CNTNAP2: variants seen among roughly 807,000 people sequenced by gnomAD.
CNTNAP2 encodes contactin associated protein 2, also known as contactin-associated protein-like 2.
A neutral mutation model predicts 155.2 loss-of-function variants in CNTNAP2; 98 were observed. The observed-to-expected ratio is 0.63, with a 90% CI of 0.54 to 0.75. CNTNAP2 has a LOEUF of 0.75. CNTNAP2 is among the 30% of genes least tolerant of loss of function. The probability of loss-of-function intolerance (pLI) is 0.00; values close to 1 mark genes in which losing one functional copy is unlikely to be tolerated. For missense variants in CNTNAP2, 1,727 were observed against 1,688.1 expected, an observed-to-expected ratio of 1.02 and a Z score of -0.40; for synonymous variants, 651 against 631.2, an observed-to-expected ratio of 1.03 and a Z score of -0.47.
At chr7:146,719,238 G>A (rs1801243395) in intron 1 of CNTNAP2, among the ~76,000 whole-genome samples, 2 of 152,086 alleles carry the variant, frequency 1.3e-5, no homozygotes, top group Non-Finnish European at 1.5e-5. Context: ...CAGCCCAACA[G>A]TCAGCTTTGC....
In CNTNAP2 at chr7:147,523,432, C is replaced by T. The variant is rs182586285; in HGVS notation, c.1777+37391C>T. Among the ~76,000 whole-genome samples the T allele has an allele frequency of 2.0e-5, 3 of 152,276 alleles. No homozygotes were observed. The East Asian group carries it at 5.8e-4, about 29-fold the overall frequency. ...ATTCTTTGGAAGCAAGTCACTAGGT[C>T]CAGCGAGTCTCAGAGGGAGGGGATT... On this transcript the variant is annotated intron_variant, in intron 11 of 23. Transcript: ENST00000361727.
chr7:146,391,371 C>T (rs559202988), intron 1 of CNTNAP2, among the ~76,000 whole-genome samples: 5 of 152,024 alleles, frequency 3.3e-5, no homozygotes, highest in Admixed American at 1.3e-4. Flanking sequence ...ACCCAACCAT[C>T]TGCTTTTTAT....
At chr7:147,109,593 G>C (rs1049557322) in intron 5 of CNTNAP2, among the ~76,000 whole-genome samples, 1 of 152,050 alleles carries the variant, frequency 6.6e-6, no homozygotes, top group Non-Finnish European at 1.5e-5. Context: ...CAGAAATCAA[G>C]GAAACAAAAG....
chr7:147,849,028 G>C (rs1258790499), intron 13 of CNTNAP2, among the ~76,000 whole-genome samples: 2 of 151,978 alleles, frequency 1.3e-5, no homozygotes, highest in African/African-American at 4.8e-5. Context: ...TATTAAATCA[G>C]AATGAAAATT....
chr7:148,390,638 C>G (rs1799325182), intron 22 of CNTNAP2, among the ~76,000 whole-genome samples: 1 of 152,162 alleles, frequency 6.6e-6, no homozygotes, highest in South Asian at 2.1e-4. Flanking sequence ...GAATTGAAGA[C>G]ATCTACCCAT....
chr7:147,320,915 C>T (rs1024063454), intron 9 of CNTNAP2, among the ~76,000 whole-genome samples: 2 of 152,172 alleles, frequency 1.3e-5, no homozygotes, highest in Non-Finnish European at 2.9e-5. Flanking sequence ...TTAAGGACTG[C>T]TGAAGTCATT....
At chr7:147,169,502 G>T (rs912582017) in intron 8 of CNTNAP2, among the ~76,000 whole-genome samples, 1 of 152,022 alleles carries the variant, frequency 6.6e-6, no homozygotes, top group Non-Finnish European at 1.5e-5. Context: ...CCAATGTTTA[G>T]CTCTTACTTA....
At chr7:146,262,292 C>G (rs1452939365) in intron 1 of CNTNAP2, among the ~76,000 whole-genome samples, 2 of 152,160 alleles carry the variant, frequency 1.3e-5, no homozygotes, top group African/African-American at 4.8e-5. Context: ...AGCTGACCCC[C>G]TTGGTAACCA....
intron 1 of CNTNAP2, among the ~76,000 whole-genome samples, chr7:146,495,919 A>G (rs1357825534): frequency 1.3e-5 from 2 of 152,176 alleles, no homozygotes. Context: ...AAAAAAGAGG[A>G]AAATGAGCAG....
intron 18 of CNTNAP2, among the ~76,000 whole-genome samples, chr7:148,184,595 T>C (rs1202676079): frequency 1.3e-5 from 2 of 152,234 alleles, no homozygotes; most frequent in Non-Finnish European, 2.9e-5. Context: ...CAAAATGTCC[T>C]TTCACATCTT....
intron 1 of CNTNAP2, among the ~76,000 whole-genome samples, chr7:146,710,297 A>C (rs1801040784): frequency 6.6e-6 from 1 of 152,232 alleles, no homozygotes; most frequent in African/African-American, 2.4e-5. Flanking sequence ...AGGGAACTGT[A>C]GTGTTGCTGC....
At chr7:147,710,303 T>G (rs1484982217) in intron 13 of CNTNAP2, among the ~76,000 whole-genome samples, 1 of 152,184 alleles carries the variant, frequency 6.6e-6, no homozygotes, top group Admixed American at 6.5e-5. Context: ...TTTAAGCTTC[T>G]TAGCTTAGCA....
intron 1 of CNTNAP2, among the ~76,000 whole-genome samples, chr7:146,596,728 C>T (rs928654247): frequency 1.3e-5 from 2 of 151,592 alleles, no homozygotes; most frequent in African/African-American, 2.4e-5. Flanking sequence ...GGCCAGACAG[C>T]ATGGATTCGA....
At chr7:146,197,038 G>T (rs1023543427) in intron 1 of CNTNAP2, among the ~76,000 whole-genome samples, 10 of 151,926 alleles carry the variant, frequency 6.6e-5, no homozygotes, top group African/African-American at 1.9e-4. Flanking sequence ...TTTGAAGATG[G>T]TCTCTATTCA....
At chr7:148,329,765 A>T (rs907431107) in intron 21 of CNTNAP2, among the ~76,000 whole-genome samples, 40 of 152,278 alleles carry the variant, frequency 2.6e-4, no homozygotes, top group African/African-American at 9.1e-4. Flanking sequence ...GATTTTAATG[A>T]CAGGGACGTT....
At chr7:147,445,956 TAA>T (rs1272778231) in intron 10 of CNTNAP2, among the ~76,000 whole-genome samples, 1 of 151,968 alleles carries the variant, frequency 6.6e-6, no homozygotes, top group Non-Finnish European at 1.5e-5. Context: ...GGAGAAAATT[TAA>T]AGAGTGATCA....
chr7:146,986,809 C>T (rs777920043), intron 3 of CNTNAP2, among the ~76,000 whole-genome samples: 1 of 151,890 alleles, frequency 6.6e-6, no homozygotes, highest in Non-Finnish European at 1.5e-5. Context: ...CATTTATACG[C>T]CTTTGAGAAT....
chr7:147,594,125 CTTTTTT>C (rs397827040), intron 12 of CNTNAP2, among the ~76,000 whole-genome samples: 1 of 120,072 alleles, frequency 8.3e-6, no homozygotes, highest in East Asian at 2.5e-4. Context: ...TCTGGTGTCT[CTTTTTT>C]TTTTTTTTTT....
rs563650913 is a variant in CNTNAP2 at position 148,030,967 on chromosome 7, C to T, written c.2383+52978C>T. Reference sequence around the variant, plus strand: ...AATGGCAGAGAGACTTTCTTTGAAACGATTGTAATATGGATTAAGACTATT... The same window carrying T: ...AATGGCAGAGAGACTTTCTTTGAAATGATTGTAATATGGATTAAGACTATT... On this transcript the variant is annotated intron_variant, in intron 15 of 23. Transcript: ENST00000361727. 1.6e-4 allele frequency among the ~76,000 whole-genome samples: 25 copies of T among 152,160 alleles called. No homozygotes were observed. The East Asian group carries it at 3.5e-3, about 21-fold the overall frequency.
Sources: gnomAD v4.1 joint callset for allele counts (sites outside exome capture counted in the v4.1 genomes callset) on GRCh38, gnomAD v4.1.1 for gene constraint, MANE v1.5 for transcripts, NCBI Gene and HGNC (gene_info 2026-07-23, HGNC 2026-07-21) for gene names.